SERPINA11: variants seen among roughly 807,000 people sequenced by gnomAD.
The protein encoded by SERPINA11 is serpin A11.
Under a neutral mutation model 29.4 loss-of-function variants are expected in SERPINA11, and 28 were observed. The ratio of observed to expected loss-of-function variants is 0.95; its 90% CI spans 0.70 to 1.30. The LOEUF (loss-of-function observed/expected upper bound fraction) is 1.30, where lower values mean the gene tolerates loss of function less well. Ranked by LOEUF, SERPINA11 falls within the 50% of genes most tolerant of loss-of-function variation. SERPINA11 has a pLI of 0.00. For missense variants in SERPINA11, 530 were observed against 507.3 expected (o/e 1.04, Z -0.43); for synonymous variants, 253 against 206.6 (o/e 1.22, Z -1.92).
At chr14:94,449,575 C>T (rs1898550565) in intron 1 of SERPINA11, among the ~76,000 whole-genome samples, 1 of 149,780 alleles carries the variant, frequency 6.7e-6, no homozygotes, top group Non-Finnish European at 1.5e-5. Context: ...TTCCTTCCTT[C>T]CTTCCTTCCT....
intron 4 of SERPINA11, 109 bp from the exon 5 acceptor site, chr14:94,442,918 G>T: frequency 7.8e-7 from 1 of 1,275,926 alleles, no homozygotes; most frequent in Non-Finnish European, 1.1e-6. Context: ...GGGAGGTAGA[G>T]AAGGAAAAGC....
At position 94,442,662 on chromosome 14, in the gene SERPINA11, C is replaced by T. The variant is rs774507029; in HGVS notation, c.1213G>A (p.Val405Ile). 3.9e-5 allele frequency: 63 copies of T among 1,612,580 alleles called. No individual in the cohort carries two copies. Among genetic ancestry groups the T allele is most frequent in the Non-Finnish European group, 4.9e-5 (58 of 1,179,478 alleles). ...NRPFLLLLWE[V>I]TTQSLLFLGK... Reference sequence around the variant, plus strand: ...AGGAAGAGTAAGCTCTGGGTGGTGACCTCCCAAAGGAGCAAGAGGAAAGGC... The same window carrying T: ...AGGAAGAGTAAGCTCTGGGTGGTGATCTCCCAAAGGAGCAAGAGGAAAGGC... Residue 405 changes from valine (V) to isoleucine (I), a missense_variant, in exon 5 of 5, where the codon GTC becomes ATC. Transcript: ENST00000334708.
intron 2 of SERPINA11, among the ~76,000 whole-genome samples, chr14:94,447,287 C>T (rs1898463937): frequency 6.6e-6 from 1 of 152,222 alleles, no homozygotes; most frequent in African/African-American, 2.4e-5. Flanking sequence ...TCTTATAAAT[C>T]TGTCCCCACA....
In SERPINA11 at chr14:94,448,498, C is replaced by G. The variant is rs1473978625; in HGVS notation, c.277G>C (p.Ala93Pro). 1.2e-6 allele frequency: 2 copies of G among 1,614,168 alleles called. No homozygotes were observed. Among genetic ancestry groups the G allele is most frequent in the Non-Finnish European group, 1.7e-6 (2 of 1,180,044 alleles). The change falls in exon 2 of 5, where the codon GCT (alanine) becomes CCT (proline). Residue 93 changes from alanine to proline, a missense_variant. Transcript: ENST00000334708. Reference sequence around the variant, plus strand: ...TCCAGGATCAGAGCTGAGGTGTTAGCTTGGGCCCCAAGAGAGAGCAGGGCC... The same window carrying G: ...TCCAGGATCAGAGCTGAGGTGTTAGGTTGGGCCCCAAGAGAGAGCAGGGCC... Reference protein sequence around the residue: ...TLALLSLGAQANTSALILEGL... With the variant: ...TLALLSLGAQPNTSALILEGL...
At chr14:94,449,501 C>CTTTTTCTTTCTTTCTTTCTT (rs35936663) in intron 1 of SERPINA11, among the ~76,000 whole-genome samples, 1 of 114,982 alleles carries the variant, frequency 8.7e-6, no homozygotes, top group African/African-American at 4.4e-5. Context: ...GTCTTTCTTT[C>CTTTTTCTTTCTTTCTTTCTT]TCTTTCTTTT....
At position 94,444,257 on chromosome 14, in the gene SERPINA11, C is replaced by T. The variant is rs534809019; in HGVS notation, c.918-1032G>A. On this transcript the variant is annotated intron_variant, in intron 3 of 4. Coordinates refer to ENST00000334708, the MANE Select transcript of SERPINA11 (RefSeq NM_001080451.2). Reference sequence around the variant, plus strand: ...TAACAACTGTGAATGAATACATACACGAATGGTGTGCCAGGAAGTGCAGTT... The same window carrying T: ...TAACAACTGTGAATGAATACATACATGAATGGTGTGCCAGGAAGTGCAGTT... Among the ~76,000 whole-genome samples, 66 of 152,132 alleles carry T rather than the reference C, an allele frequency of 4.3e-4. 2 individuals carry two copies. The highest frequency in any genetic ancestry group is 9.8e-4 in the Admixed American group (15 of 15,280).
At chr14:94,449,881 A>C (rs1898555471) in intron 1 of SERPINA11, among the ~76,000 whole-genome samples, 1 of 152,172 alleles carries the variant, frequency 6.6e-6, no homozygotes, top group Non-Finnish European at 1.5e-5. Flanking sequence ...ATGGCTATTG[A>C]CTATGATCCT....
At chr14:94,443,796 G>C (rs28445430) in intron 3 of SERPINA11, among the ~76,000 whole-genome samples, 3,422 of 152,192 alleles carry the variant, frequency 0.022, 114 homozygotes, top group African/African-American at 0.073. Flanking sequence ...ATGTGTGTTG[G>C]GCATAGGGCA....
At position 94,448,558 on chromosome 14, in the gene SERPINA11, T is replaced by C; in HGVS notation, c.217A>G (p.Ile73Val). ...GAGATGCTCACTGGCGAGAAGAAGA[T>C]GTTTCCGGGGGCGTCTGCTGCCAGC... ...KELAADAPGNIFFSPVSISTT... is the reference protein window; with the variant it reads ...KELAADAPGNVFFSPVSISTT... The change falls in exon 2 of 5, where the codon ATC becomes GTC. Residue 73 changes from isoleucine to valine, a missense_variant. Transcript: ENST00000334708. 2 of 1,614,128 alleles carry C rather than the reference T, an allele frequency of 1.2e-6. No homozygotes were observed. Among genetic ancestry groups the C allele is most frequent in the Non-Finnish European group, 1.7e-6 (2 of 1,180,028 alleles).
intron 1 of SERPINA11, among the ~76,000 whole-genome samples, chr14:94,449,461 C>A (rs954680850): frequency 8.7e-6 from 1 of 114,324 alleles, no homozygotes; most frequent in Non-Finnish European, 1.6e-5. Flanking sequence ...TTCTTTCTTT[C>A]TTTCTTTCTT....
At chr14:94,443,326 C>T (rs1405984912) in intron 3 of SERPINA11, 101 bp from the exon 4 acceptor site, 2 of 1,188,024 alleles carry the variant, frequency 1.7e-6, no homozygotes, top group East Asian at 5.0e-5. Flanking sequence ...AGGCATTTCC[C>T]AGCGTGAGAA....
At chr14:94,452,113 G>A (rs1898596961) in intron 1 of SERPINA11, among the ~76,000 whole-genome samples, 1 of 152,132 alleles carries the variant, frequency 6.6e-6, no homozygotes, top group Admixed American at 6.5e-5. Context: ...CTGGGCTCCC[G>A]AAAGCTCTTG....
intron 3 of SERPINA11, among the ~76,000 whole-genome samples, 174 bp from the exon 4 acceptor site, chr14:94,443,399 C>T (rs902220263): frequency 7.2e-5 from 11 of 152,222 alleles, no homozygotes; most frequent in African/African-American, 2.7e-4. Context: ...ATACCCACAG[C>T]TCCCTTCTCT....
intron 3 of SERPINA11, among the ~76,000 whole-genome samples, chr14:94,444,514 G>A (rs1047761592): frequency 1.3e-5 from 2 of 152,110 alleles, no homozygotes; most frequent in African/African-American, 4.8e-5. Flanking sequence ...GTCTAGAAGA[G>A]TCTATGGCAC....
At chr14:94,446,246 G>T (rs537089495) in intron 3 of SERPINA11, 85 bp downstream of exon 3, 1 of 1,250,698 alleles carries the variant, frequency 8.0e-7, no homozygotes, top group Non-Finnish European at 1.1e-6. Flanking sequence ...CGAGATGGAT[G>T]TTGGGCTTTT....
Position 94,442,478 on chromosome 14 carries a change from G to T in SERPINA11, c.*128C>A. On this transcript the variant is annotated 3_prime_UTR_variant, in exon 5 of 5. Coordinates refer to ENST00000334708, the MANE Select transcript of SERPINA11 (RefSeq NM_001080451.2). ...GCTCCTTAGTGTTCACAGAACCCAA[G>T]GTCAACTTTATTAGAATCTTGGCAC... 1.5e-6 allele frequency: 1 copy of T among 668,706 alleles called. No individual in the cohort carries two copies. The highest frequency in any genetic ancestry group is 2.0e-5 in the South Asian group (1 of 50,676). The allele number at this position is 668,706 out of a possible 1,614,324, so 41.4% of individuals were successfully genotyped here. A position where few individuals can be genotyped will look rare whatever the true frequency, so the allele number is the denominator to read the frequency against.
intron 1 of SERPINA11, among the ~76,000 whole-genome samples, chr14:94,450,342 C>G (rs1595656039): frequency 6.6e-6 from 1 of 152,256 alleles, no homozygotes; most frequent in Admixed American, 6.5e-5. Flanking sequence ...AGAGCAGGCT[C>G]CTAATCCAAT....
At chr14:94,448,998 A>G (rs1262058011) in intron 1 of SERPINA11, among the ~76,000 whole-genome samples, 1 of 152,194 alleles carries the variant, frequency 6.6e-6, no homozygotes, top group Non-Finnish European at 1.5e-5. Flanking sequence ...GTAGGTTTCT[A>G]ACATTTTGTT....
chr14:94,442,881 A>T, intron 4 of SERPINA11, 72 bp from the exon 5 acceptor site: 2 of 1,389,216 alleles, frequency 1.4e-6, no homozygotes, highest in Non-Finnish European at 2.0e-6. Context: ...TATTCCTGCC[A>T]TGAAGAATAG....
Sources: allele counts gnomAD v4.1 joint callset (sites outside exome capture counted in the v4.1 genomes callset), GRCh38; gene constraint gnomAD v4.1.1; transcripts MANE v1.5; gene names NCBI Gene and HGNC (gene_info 2026-07-23, HGNC 2026-07-21).